The following VAT1L variants were observed in gnomAD, a reference collection of about 807,000 sequenced individuals.
The protein encoded by VAT1L is putative NADPH-dependent quinone oxidoreductase VAT1L.
A neutral mutation model predicts 44.1 loss-of-function variants in VAT1L; 34 were observed. That is an observed-to-expected ratio of 0.77 (90% CI 0.59 to 1.03). VAT1L has a LOEUF of 1.03. Ranked by LOEUF, VAT1L falls within the 50% of genes least tolerant of loss-of-function variation. The pLI, the probability that VAT1L is intolerant of heterozygous loss-of-function variation, is 0.00. For synonymous variants in VAT1L, 253 were observed against 202.2 expected (o/e 1.25, Z -2.13); for missense variants, 615 against 538.8 (o/e 1.14, Z -1.40).
intron 2 of VAT1L, among the ~76,000 whole-genome samples, chr16:77,823,552 T>C (rs1394961684): frequency 6.6e-6 from 1 of 152,168 alleles, no homozygotes; most frequent in African/African-American, 2.4e-5. Flanking sequence ...TCACTCTGTA[T>C]GTCATTAGGC....
At chr16:77,935,185 G>T (rs369330003) in intron 7 of VAT1L, among the ~76,000 whole-genome samples, 27 of 152,226 alleles carry the variant, frequency 1.8e-4, no homozygotes, top group African/African-American at 6.3e-4. Flanking sequence ...AATAGTAAAA[G>T]ATTCATTGGA....
intron 7 of VAT1L, among the ~76,000 whole-genome samples, chr16:77,909,753 C>T (rs1378500177): frequency 6.6e-6 from 1 of 151,758 alleles, no homozygotes; most frequent in Non-Finnish European, 1.5e-5. Flanking sequence ...AAGGGGGCAA[C>T]GGTTCAGAGA....
intron 3 of VAT1L, among the ~76,000 whole-genome samples, chr16:77,833,535 G>A (rs1173722948): frequency 1.3e-5 from 2 of 152,036 alleles, no homozygotes; most frequent in East Asian, 1.9e-4. Flanking sequence ...GGCAGATCAC[G>A]AGGTCAGGAG....
intron 3 of VAT1L, among the ~76,000 whole-genome samples, chr16:77,858,519 C>G (rs563894898): frequency 1.0e-3 from 154 of 152,296 alleles, no homozygotes; most frequent in African/African-American, 3.6e-3. Context: ...TGCATTATAT[C>G]ACGTAATCTC....
intron 1 of VAT1L, among the ~76,000 whole-genome samples, chr16:77,797,559 A>G (rs2015960418): frequency 6.6e-6 from 1 of 152,118 alleles, no homozygotes; most frequent in South Asian, 2.1e-4. Flanking sequence ...AGCTGGGTGT[A>G]TATAGACAAT....
At chr16:77,870,275 T>C (rs1416396720) in intron 4 of VAT1L, among the ~76,000 whole-genome samples, 1 of 152,188 alleles carries the variant, frequency 6.6e-6, no homozygotes, top group East Asian at 1.9e-4. Flanking sequence ...GTGCAAAGCC[T>C]ACTAAATGCC....
At chr16:77,912,944 C>A (rs2017514082) in intron 7 of VAT1L, among the ~76,000 whole-genome samples, 1 of 152,070 alleles carries the variant, frequency 6.6e-6, no homozygotes, top group Admixed American at 6.6e-5. Context: ...GGGCATCAAT[C>A]CCATCTCGAA....
chr16:77,823,308 A>C (rs143758872), intron 2 of VAT1L, among the ~76,000 whole-genome samples: 1 of 152,250 alleles, frequency 6.6e-6, no homozygotes, highest in African/African-American at 2.4e-5. Flanking sequence ...TTAAGACTGC[A>C]TTCTCTTCTG....
At chr16:77,933,849 G>A (rs1054201804) in intron 7 of VAT1L, among the ~76,000 whole-genome samples, 1 of 152,222 alleles carries the variant, frequency 6.6e-6, no homozygotes, top group Non-Finnish European at 1.5e-5. Context: ...ATGGCACATA[G>A]CCTAGGTCAG....
chr16:77,935,037 G>A (rs1476364557), intron 7 of VAT1L, among the ~76,000 whole-genome samples: 1 of 152,058 alleles, frequency 6.6e-6, no homozygotes, highest in Non-Finnish European at 1.5e-5. Flanking sequence ...ATTTCCTCTG[G>A]TACCACGGAA....
rs576214736 is a variant in VAT1L, at chr16:77,834,679, G to GA, written c.579+9228dup. 8.4e-3 allele frequency among the ~76,000 whole-genome samples: 1,239 copies of GA among 148,116 alleles called. 17 individuals carry two copies. The highest frequency in any genetic ancestry group is 0.028 in the African/African-American group (1,130 of 40,322). ...ATTTGAGCTTTATGTGAGCAAGGGA[G>GA]AAAAAAAAAAGAAGCTTCTCTTATC... is the stretch of plus-strand genomic sequence containing the variant. On this transcript the variant is annotated intron_variant, in intron 3 of 8. Coordinates refer to ENST00000302536, the MANE Select transcript of VAT1L (RefSeq NM_020927.3).
intron 6 of VAT1L, among the ~76,000 whole-genome samples, chr16:77,880,879 T>C (rs749181453): frequency 1.3e-5 from 2 of 152,086 alleles, no homozygotes; most frequent in Non-Finnish European, 2.9e-5. Context: ...TTAATTTGAT[T>C]AGGAAAATGA....
At chr16:77,832,618 C>A (rs1233030725) in intron 3 of VAT1L, among the ~76,000 whole-genome samples, 1 of 152,164 alleles carries the variant, frequency 6.6e-6, no homozygotes, top group African/African-American at 2.4e-5. Flanking sequence ...GGACCATAGA[C>A]CTTGGAAAGG....
rs571440792 is a variant in VAT1L at position 77,869,685 on chromosome 16, C to T, written c.723-6685C>T. ...CCCAGTCTCAATGATTAAAAAAAAC[C>T]ACCCACTTCGAGCATTTTCCAAATG... On this transcript the variant is annotated intron_variant, in intron 4 of 8. Coordinates refer to ENST00000302536, the MANE Select transcript of VAT1L (RefSeq NM_020927.3). Among the ~76,000 whole-genome samples the T allele has an allele frequency of 2.0e-5, 3 of 152,182 alleles. No homozygotes were observed. In the East Asian group the frequency reaches 5.8e-4, roughly 30 times the overall value.
chr16:77,899,413 T>C (rs1030638551), intron 7 of VAT1L, among the ~76,000 whole-genome samples: 2 of 152,214 alleles, frequency 1.3e-5, no homozygotes, highest in African/African-American at 2.4e-5. Flanking sequence ...CTACCTTCTG[T>C]GATTAGACAG....
chr16:77,946,276 G>GCTCTTTTTTTTTTTT (rs1441996306), intron 7 of VAT1L, among the ~76,000 whole-genome samples: 2 of 33,860 alleles, frequency 5.9e-5, no homozygotes, highest in Non-Finnish European at 5.7e-5. Flanking sequence ...TAGGTTACTT[G>GCTCTTTTTTTTTTTT]TTCTTTTTTT....
At chr16:77,833,914 A>G (rs1490224116) in intron 3 of VAT1L, among the ~76,000 whole-genome samples, 1 of 152,110 alleles carries the variant, frequency 6.6e-6, no homozygotes, top group Admixed American at 6.6e-5. Flanking sequence ...CGTTTCTTAC[A>G]TCACCTAACT....
chr16:77,949,128 G>T (rs2018008720), intron 7 of VAT1L, among the ~76,000 whole-genome samples: 1 of 152,184 alleles, frequency 6.6e-6, no homozygotes, highest in African/African-American at 2.4e-5. Flanking sequence ...AGAACAAACA[G>T]GAGGCTAGAA....
intron 3 of VAT1L, among the ~76,000 whole-genome samples, chr16:77,837,478 A>G (rs928414578): frequency 2.6e-5 from 4 of 152,218 alleles, no homozygotes; most frequent in African/African-American, 9.6e-5. Flanking sequence ...TCGTGAAGGC[A>G]GGGATGGTGT....
Sources: allele counts gnomAD v4.1 joint callset (sites outside exome capture counted in the v4.1 genomes callset), GRCh38; gene constraint gnomAD v4.1.1; transcripts MANE v1.5; gene names NCBI Gene and HGNC (gene_info 2026-07-23, HGNC 2026-07-21).